PAH: variants seen among roughly 807,000 people sequenced by gnomAD.
PAH encodes the protein phenylalanine hydroxylase.
A neutral mutation model predicts 62.0 loss-of-function variants in PAH; 64 were observed. The ratio of observed to expected loss-of-function variants is 1.03; its 90% CI spans 0.84 to 1.27. The LOEUF (loss-of-function observed/expected upper bound fraction) is 1.27, where lower values mean the gene tolerates loss of function less well. PAH is among the 50% of genes most tolerant of loss of function. The probability of loss-of-function intolerance (pLI) is 0.00; values close to 1 mark genes in which losing one functional copy is unlikely to be tolerated. For synonymous variants in PAH, 195 were observed against 196.2 expected, an observed-to-expected ratio of 0.99 and a Z score of 0.05; for missense variants, 579 against 542.8, an observed-to-expected ratio of 1.07 and a Z score of -0.66.
At chr12:102,921,217 C>G (rs971012345), upstream of PAH, among the ~76,000 whole-genome samples, 2 of 152,184 alleles carry the variant, frequency 1.3e-5, no homozygotes, top group South Asian at 2.1e-4. Flanking sequence ...CCAATCTGAT[C>G]AGCATAAGCT....
rs369484675 is a variant in PAH at position 102,859,151 on chromosome 12, C to T, written c.510-3819G>A. Among the ~76,000 whole-genome samples, 13 of 152,020 alleles carry T rather than the reference C, an allele frequency of 8.6e-5. 1 individual carries two copies. The highest frequency in any genetic ancestry group is 3.2e-3 in the Middle Eastern group (1 of 316). ...AAAATGATAAAGGGGATATCACCAC[C>T]GATCCCACAGAAATACAAACTACCA... On this transcript the variant is annotated intron_variant, in intron 5 of 12. Coordinates refer to ENST00000553106, the MANE Select transcript of PAH (RefSeq NM_000277.3).
intron 4 of PAH, among the ~76,000 whole-genome samples, chr12:102,873,220 C>T (rs186432946): frequency 8.3e-4 from 127 of 152,276 alleles, no homozygotes; most frequent in Admixed American, 2.0e-3. Flanking sequence ...AACTATTTTC[C>T]CCCATCTTCT....
upstream of PAH, among the ~76,000 whole-genome samples, chr12:102,921,030 G>T (rs545765811): frequency 7.2e-5 from 11 of 152,202 alleles, no homozygotes; most frequent in African/African-American, 2.6e-4. Context: ...AATTTTCTGG[G>T]ATAGAAGAGT....
intron 9 of PAH, among the ~76,000 whole-genome samples, chr12:102,844,875 T>A (rs1874766897): frequency 6.6e-6 from 1 of 152,156 alleles, no homozygotes; most frequent in Non-Finnish European, 1.5e-5. Context: ...GAACTTTGAC[T>A]AATCTACGCC....
intron 1 of PAH, among the ~76,000 whole-genome samples, chr12:102,930,579 T>A (rs770182772): frequency 6.6e-6 from 1 of 152,240 alleles, no homozygotes; most frequent in African/African-American, 2.4e-5. Flanking sequence ...CTGACTTTTA[T>A]AAGAGTTGTT....
chr12:102,859,559 A>G (rs992820725), intron 5 of PAH, among the ~76,000 whole-genome samples: 11 of 152,364 alleles, frequency 7.2e-5, no homozygotes, highest in Admixed American at 2.0e-4. Flanking sequence ...ATGAACATCA[A>G]TGCAAAAATC....
At chr12:102,867,993 C>T (rs577614387) in intron 4 of PAH, among the ~76,000 whole-genome samples, 3 of 110,882 alleles carry the variant, frequency 2.7e-5, no homozygotes, top group East Asian at 4.4e-4. Flanking sequence ...ATGTATATTA[C>T]ATGTATATAT....
At chr12:102,932,165 C>T (rs7972881) in intron 1 of PAH, among the ~76,000 whole-genome samples, 4,818 of 152,246 alleles carry the variant, frequency 0.032, 261 homozygotes, top group African/African-American at 0.11. Context: ...AACCATTTGT[C>T]TGTCATTCAA....
intron 4 of PAH, among the ~76,000 whole-genome samples, chr12:102,871,950 ATATATATATATATATATAT>A (rs1420171920): frequency 9.2e-5 from 2 of 21,696 alleles, no homozygotes; most frequent in African/African-American, 4.1e-4. Flanking sequence ...AAAAAAAAAA[ATATATATATATATATATAT>A]ATATATATAT....
intron 4 of PAH, among the ~76,000 whole-genome samples, chr12:102,866,879 T>C (rs906505264): frequency 1.3e-5 from 2 of 152,218 alleles, no homozygotes; most frequent in South Asian, 2.1e-4. Context: ...ATGAGCCTCC[T>C]TGCTGTGGAT....
chr12:102,847,962 G>A (rs2136640525), intron 8 of PAH, among the ~76,000 whole-genome samples: 1 of 152,308 alleles, frequency 6.6e-6, no homozygotes, highest in South Asian at 2.1e-4. Flanking sequence ...TTAGTGAGGG[G>A]GCAGTGGCAG....
chr12:102,865,147 C>G (rs112073079), intron 5 of PAH, among the ~76,000 whole-genome samples: 88 of 152,244 alleles, frequency 5.8e-4, no homozygotes, highest in African/African-American at 2.0e-3. Context: ...TTTCACTCTT[C>G]TTCATAAGGT....
intron 3 of PAH, 97 bp downstream of exon 3, chr12:102,894,638 T>C (rs1877417861): frequency 1.1e-6 from 1 of 908,462 alleles, no homozygotes; most frequent in Non-Finnish European, 1.8e-6. Flanking sequence ...ATATTAAATA[T>C]ACATATATTT....
chr12:102,922,195 C>CTTTT (rs550531972), upstream of PAH, among the ~76,000 whole-genome samples: 261 of 124,958 alleles, frequency 2.1e-3, 6 homozygotes, highest in African/African-American at 7.4e-3. Flanking sequence ...TAAATCTTGC[C>CTTTT]TTTTTTTTTT....
Position 102,866,661 on chromosome 12 carries a change from A to C in PAH, c.444T>G (p.Gly148=). The C allele has an allele frequency of 1.2e-6, 2 of 1,613,012 alleles. No homozygotes were observed. Among genetic ancestry groups the C allele is most frequent in the Non-Finnish European group, 1.7e-6 (2 of 1,179,226 alleles). The change falls in exon 5 of 13, where the codon GGT becomes GGG. Residue 148 remains glycine (G), a splice_region_variant and synonymous_variant. Coordinates refer to ENST00000553106, the MANE Select transcript of PAH (RefSeq NM_000277.3). ...YGAELDADHP[G]FKDPVYRARR... The stretch of plus-strand genomic sequence containing the variant: ...TTGCACGGTACACAGGATCTTTAAA[A>C]CCCTAGGAGAAAAGAGACACCTGAT...
At chr12:102,847,248 G>T (rs1874891978) in intron 8 of PAH, 1 of 435,328 alleles carries the variant, frequency 2.3e-6, no homozygotes, top group East Asian at 4.7e-5. Flanking sequence ...AGTATCTAAA[G>T]CTTCTTCTCT....
intron 2 of PAH, chr12:102,904,864 C>A: frequency 6.7e-6 from 2 of 298,880 alleles, no homozygotes. Flanking sequence ...TTTCTTCTGG[C>A]GAATGGCTCA....
intron 1 of PAH, among the ~76,000 whole-genome samples, chr12:102,922,798 A>T (rs1213309629): frequency 6.6e-6 from 1 of 152,220 alleles, no homozygotes; most frequent in African/African-American, 2.4e-5. Flanking sequence ...AGAATGTATC[A>T]TTTTAGTACA....
chr12:102,958,271 C>A (rs762725427), exon 1 of PAH: 3 of 1,473,900 alleles, frequency 2.0e-6, no homozygotes, highest in Admixed American at 4.9e-5. Context: ...AGATGGAGAG[C>A]GGCGGCGCCG....
Sources: allele counts gnomAD v4.1 joint callset (sites outside exome capture counted in the v4.1 genomes callset), GRCh38; gene constraint gnomAD v4.1.1; transcripts MANE v1.5; gene names NCBI Gene and HGNC (gene_info 2026-07-23, HGNC 2026-07-21).